The following ATG7 variants were observed in gnomAD, a reference collection of about 807,000 sequenced individuals.
ATG7 encodes autophagy related 7.
In ATG7, 70 loss-of-function variants were observed where a neutral mutation model predicts 82.4. The observed-to-expected ratio is 0.85, with a 90% CI of 0.70 to 1.04. ATG7 has a LOEUF of 1.04. ATG7 is among the 50% of genes least tolerant of loss of function. The pLI, the probability that ATG7 is intolerant of heterozygous loss-of-function variation, is 0.00. For missense variants in ATG7, 792 were observed against 864.3 expected (o/e 0.92, Z 1.05); for synonymous variants, 287 against 313.0 (o/e 0.92, Z 0.88).
chr3:11,316,062 C>T (rs1357413949), intron 9 of ATG7, among the ~76,000 whole-genome samples: 3 of 152,092 alleles, frequency 2.0e-5, no homozygotes, highest in Non-Finnish European at 1.5e-5. Flanking sequence ...TCCGTTTTCC[C>T]TCCTGATGTA....
chr3:11,546,858 G>A (rs2071339304), intron 20 of ATG7, among the ~76,000 whole-genome samples: 1 of 152,264 alleles, frequency 6.6e-6, no homozygotes, highest in African/African-American at 2.4e-5. Context: ...AGGTCAGGCT[G>A]ACCAGAGGGG....
In ATG7 at chr3:11,525,215, G is replaced by C. The variant is rs567943250; in HGVS notation, c.2080-29596G>C. ...CCAGCTAATTTTTTTATTTTTAGTA[G>C]AGATGTGGTTTTGCCATGTTGGCCA... On this transcript the variant is annotated intron_variant, in intron 20 of 20. Transcript: ENST00000693202. 3.3e-5 allele frequency among the ~76,000 whole-genome samples: 5 copies of C among 151,354 alleles called. No individual in the cohort carries two copies. The East Asian group carries it at 9.7e-4, about 29-fold the overall frequency.
chr3:11,415,247 T>G (rs994945674), intron 19 of ATG7, among the ~76,000 whole-genome samples: 5 of 152,220 alleles, frequency 3.3e-5, no homozygotes, highest in African/African-American at 1.2e-4. Context: ...TGCAGAATAC[T>G]TACCATAAAT....
intron 20 of ATG7, among the ~76,000 whole-genome samples, chr3:11,461,584 A>ACC (rs1559673296): frequency 6.6e-6 from 1 of 151,944 alleles, no homozygotes; most frequent in East Asian, 1.9e-4. Flanking sequence ...AATCTCTCTC[A>ACC]CTCTCTCTCT....
At chr3:11,564,221 A>C in the ATG7 span, among the ~76,000 whole-genome samples, 1 of 152,208 alleles carries the variant, frequency 6.6e-6, no homozygotes, top group African/African-American at 2.4e-5. Context: ...AGCTGTGTTT[A>C]TTAAGCAATC....
intron 3 of ATG7, among the ~76,000 whole-genome samples, chr3:11,290,985 T>C (rs1194162586): frequency 3.3e-5 from 5 of 152,158 alleles, no homozygotes; most frequent in Non-Finnish European, 5.9e-5. Flanking sequence ...CCCGGCCATG[T>C]CTGTTATCTT....
chr3:11,512,690 G>C (rs181442017), intron 20 of ATG7, among the ~76,000 whole-genome samples: 326 of 152,326 alleles, frequency 2.1e-3, no homozygotes, highest in Non-Finnish European at 3.8e-3. Flanking sequence ...GCTCATAAAA[G>C]CAGTGTGGAC....
chr3:11,413,039 TC>T (rs1280421465), intron 19 of ATG7, among the ~76,000 whole-genome samples: 2 of 152,184 alleles, frequency 1.3e-5, no homozygotes, highest in Non-Finnish European at 2.9e-5. Context: ...TAACTTTGTA[TC>T]CTGCTGCTTT....
At chr3:11,500,799 T>C (rs972130985) in intron 20 of ATG7, among the ~76,000 whole-genome samples, 1 of 152,174 alleles carries the variant, frequency 6.6e-6, no homozygotes, top group Non-Finnish European at 1.5e-5. Context: ...CCCAGCTAAT[T>C]TTTGTATTTT....
intron 19 of ATG7, among the ~76,000 whole-genome samples, chr3:11,396,543 G>A (rs566726105): frequency 5.3e-5 from 8 of 152,158 alleles, no homozygotes; most frequent in African/African-American, 1.2e-4. Context: ...ATTTAAGGCC[G>A]AGGTGGGCGG....
intron 19 of ATG7, among the ~76,000 whole-genome samples, chr3:11,400,258 A>G (rs952493866): frequency 3.3e-5 from 5 of 152,196 alleles, no homozygotes; most frequent in African/African-American, 1.2e-4. Flanking sequence ...GTAAGTTTTC[A>G]ATAATTTACC....
At chr3:11,398,212 A>G (rs900242271) in intron 19 of ATG7, among the ~76,000 whole-genome samples, 1 of 152,212 alleles carries the variant, frequency 6.6e-6, no homozygotes, top group African/African-American at 2.4e-5. Context: ...GTGAATACAT[A>G]TAGAATACTG....
At chr3:11,397,728 ATTACAG>A (rs2152887890) in intron 19 of ATG7, among the ~76,000 whole-genome samples, 1 of 11,980 alleles carries the variant, frequency 8.3e-5, no homozygotes, top group East Asian at 3.0e-3. Context: ...GAGTGCTGGG[ATTACAG>A]GCGTGCACCC....
At chr3:11,363,175 C>T (rs1238820021) in intron 17 of ATG7, 4 of 425,476 alleles carry the variant, frequency 9.4e-6, no homozygotes, top group Non-Finnish European at 1.7e-5. Flanking sequence ...TTTTCCAACG[C>T]TTATATAGGG....
At position 11,369,429 on chromosome 3, in the gene ATG7, C is replaced by G. The variant is rs191995902; in HGVS notation, c.1875+4695C>G. ...TTCATCTTATTTCCCTCCCTCCAGC[C>G]ATCCCCTCAACAGGTAATCTGACTC... On this transcript the variant is annotated intron_variant, in intron 18 of 20. Coordinates refer to ENST00000693202, the MANE Select transcript of ATG7 (RefSeq NM_001349232.2). Among the ~76,000 whole-genome samples, 7 of 151,096 alleles carry G rather than the reference C, an allele frequency of 4.6e-5. No homozygotes were observed. In the East Asian group the frequency reaches 1.4e-3, roughly 29 times the overall value.
intron 11 of ATG7, among the ~76,000 whole-genome samples, chr3:11,337,635 TA>T (rs1439297895): frequency 6.6e-6 from 1 of 152,068 alleles, no homozygotes; most frequent in Non-Finnish European, 1.5e-5. Context: ...TAGAAATGGC[TA>T]TAGCCTTTAT....
chr3:11,300,441 T>G (rs1403179164), intron 5 of ATG7, among the ~76,000 whole-genome samples: 1 of 152,170 alleles, frequency 6.6e-6, no homozygotes, highest in Non-Finnish European at 1.5e-5. Context: ...AAACACAGTA[T>G]GAGTAGCTAC....
chr3:11,565,254 A>C, the ATG7 span, among the ~76,000 whole-genome samples: 1 of 152,012 alleles, frequency 6.6e-6, no homozygotes, highest in Admixed American at 6.5e-5. The surrounding 1 kb of genome is among the most constrained non-coding windows in gnomAD (Gnocchi z 4.1). Flanking sequence ...TAGAAGATGG[A>C]GCCCCCGACT....
intron 20 of ATG7, among the ~76,000 whole-genome samples, chr3:11,527,069 G>GTATATATATATATATATATA: frequency 8.5e-6 from 1 of 118,230 alleles, no homozygotes; most frequent in South Asian, 2.8e-4. Flanking sequence ...GTGTGTGTGT[G>GTATATATATATATATATATA]TGTATATATA....
Sources: gnomAD v4.1 joint callset for allele counts (sites outside exome capture counted in the v4.1 genomes callset) on GRCh38, gnomAD v4.1.1 for gene constraint, Gnocchi (gnomAD v3.1) non-coding constraint, MANE v1.5 for transcripts, NCBI Gene and HGNC (gene_info 2026-07-23, HGNC 2026-07-21) for gene names.